The following TEKT3 variants were observed in gnomAD, a reference collection of about 807,000 sequenced individuals.
TEKT3 encodes tektin 3.
In TEKT3, 49 loss-of-function variants were observed where a neutral mutation model predicts 49.8. The ratio of observed to expected loss-of-function variants is 0.98; its 90% CI spans 0.78 to 1.25. The LOEUF (loss-of-function observed/expected upper bound fraction) is 1.25. TEKT3 is among the 50% of genes most tolerant of loss of function. The pLI is 0.00. For missense variants in TEKT3, 595 were observed against 629.5 expected, an observed-to-expected ratio of 0.95 and a Z score of 0.59; for synonymous variants, 225 against 237.2, an observed-to-expected ratio of 0.95 and a Z score of 0.47.
At chr17:15,306,089 A>ATATATATGTG (rs1291765039) in intron 8 of TEKT3, among the ~76,000 whole-genome samples, 23 of 144,410 alleles carry the variant, frequency 1.6e-4, no homozygotes, top group African/African-American at 5.9e-4. Flanking sequence ...ATTTATATAT[A>ATATATATGTG]TGTGTGTGTG....
chr17:15,343,105 C>T (rs928257482), upstream of TEKT3, among the ~76,000 whole-genome samples: 1 of 152,216 alleles, frequency 6.6e-6, no homozygotes, highest in African/African-American at 2.4e-5. Context: ...TGATTGCCCA[C>T]AAACTCTTTA....
chr17:15,320,048 ACAAGTACAGC>A (rs1048144848), intron 4 of TEKT3, among the ~76,000 whole-genome samples: 1 of 152,162 alleles, frequency 6.6e-6, no homozygotes, highest in Non-Finnish European at 1.5e-5. Context: ...CAAGGTTTTG[ACAAGTACAGC>A]CAAATTGCCT....
At chr17:15,307,478 C>T (rs892599949) in intron 8 of TEKT3, among the ~76,000 whole-genome samples, 9 of 152,192 alleles carry the variant, frequency 5.9e-5, no homozygotes, top group African/African-American at 1.7e-4. Context: ...TAGGGCAGTG[C>T]CCAGCATCGA....
intron 4 of TEKT3, among the ~76,000 whole-genome samples, chr17:15,321,686 C>T (rs144028114): frequency 0.015 from 2,327 of 152,288 alleles, 22 homozygotes; most frequent in Non-Finnish European, 0.022. Flanking sequence ...AGATCCCTGA[C>T]TTAGGGAGAA....
chr17:15,327,847 A>G (rs1224842476), intron 4 of TEKT3, 145 bp downstream of exon 4: 8 of 604,966 alleles, frequency 1.3e-5, no homozygotes, highest in Non-Finnish European at 2.3e-5. Flanking sequence ...CAAGAAAAAC[A>G]TGTCTTTGCT....
intron 5 of TEKT3, among the ~76,000 whole-genome samples, chr17:15,315,175 T>A (rs1910946056): frequency 6.6e-6 from 1 of 152,042 alleles, no homozygotes; most frequent in Non-Finnish European, 1.5e-5. Context: ...ATTTGTGTGG[T>A]TCGAAGAACA....
At position 15,334,811 on chromosome 17, in the gene TEKT3, G is replaced by A. The variant is rs74700351; in HGVS notation, c.-29-3197C>T. ...AGGAAGACTGAATAAAAGACATCAC[G>A]TGGGGATGGTTTCACCAAAATATTC... On this transcript the variant is annotated intron_variant, in intron 2 of 8. Coordinates refer to ENST00000395930, the MANE Select transcript of TEKT3 (RefSeq NM_031898.3). Among the ~76,000 whole-genome samples the A allele has an allele frequency of 2.9e-3, 438 of 152,316 alleles. 4 individuals carry two copies. Among genetic ancestry groups the A allele is most frequent in the East Asian group, 0.022 (116 of 5,188 alleles).
At chr17:15,328,755 G>T (rs1911590923) in intron 3 of TEKT3, among the ~76,000 whole-genome samples, 1 of 152,130 alleles carries the variant, frequency 6.6e-6, no homozygotes, top group African/African-American at 2.4e-5. Context: ...TTGAGATAAA[G>T]TATGTTAGTG....
chr17:15,307,396 C>A (rs1391811675), intron 8 of TEKT3, among the ~76,000 whole-genome samples: 1 of 152,230 alleles, frequency 6.6e-6, no homozygotes, highest in Admixed American at 6.5e-5. Flanking sequence ...CTGGGCCAAG[C>A]CACTCACCCA....
chr17:15,320,573 CTTTT>C (rs1319285866), intron 4 of TEKT3, among the ~76,000 whole-genome samples: 2 of 152,130 alleles, frequency 1.3e-5, no homozygotes, highest in African/African-American at 4.8e-5. Flanking sequence ...TATTGTTCTT[CTTTT>C]ATTGTTTAAT....
chr17:15,324,011 A>G (rs1911380391), intron 4 of TEKT3, among the ~76,000 whole-genome samples: 1 of 152,216 alleles, frequency 6.6e-6, no homozygotes, highest in African/African-American at 2.4e-5. Context: ...GCCGAGTTGT[A>G]TAATCATCAC....
chr17:15,322,915 C>T (rs1911327749), intron 4 of TEKT3, among the ~76,000 whole-genome samples: 1 of 152,194 alleles, frequency 6.6e-6, no homozygotes, highest in Non-Finnish European at 1.5e-5. Context: ...AGAGGCATTT[C>T]CTTTCATTAG....
chr17:15,320,492 T>C (rs1911204897), intron 4 of TEKT3, among the ~76,000 whole-genome samples: 1 of 152,216 alleles, frequency 6.6e-6, no homozygotes, highest in African/African-American at 2.4e-5. Flanking sequence ...ATATCTCCTT[T>C]TGGTTTCTGC....
chr17:15,305,099 G>A (rs901614115), intron 8 of TEKT3, among the ~76,000 whole-genome samples: 3 of 152,296 alleles, frequency 2.0e-5, no homozygotes, highest in South Asian at 2.1e-4. Context: ...AACGGAGGAC[G>A]TCTTGGGAGG....
At chr17:15,305,523 A>C (rs2150729962) in intron 8 of TEKT3, among the ~76,000 whole-genome samples, 1 of 152,286 alleles carries the variant, frequency 6.6e-6, no homozygotes, top group Non-Finnish European at 1.5e-5. Flanking sequence ...AGGGTATAAA[A>C]TATCACTAGC....
upstream of TEKT3, among the ~76,000 whole-genome samples, chr17:15,343,188 C>A (rs1912285405): frequency 6.6e-6 from 1 of 152,188 alleles, no homozygotes; most frequent in South Asian, 2.1e-4. Flanking sequence ...AGACAAAATT[C>A]ATTCAATGTC....
chr17:15,343,462 G>A (rs1912294324), upstream of TEKT3, among the ~76,000 whole-genome samples: 1 of 152,044 alleles, frequency 6.6e-6, no homozygotes, highest in Admixed American at 6.5e-5. Context: ...CTCCTACAAT[G>A]CTTATTAAAA....
intron 5 of TEKT3, among the ~76,000 whole-genome samples, chr17:15,314,768 G>C (rs1480865171): frequency 2.0e-5 from 3 of 152,180 alleles, no homozygotes; most frequent in Non-Finnish European, 4.4e-5. Context: ...AAGTTTGCCA[G>C]GAGATAAAAA....
upstream of TEKT3, among the ~76,000 whole-genome samples, chr17:15,343,379 G>T (rs924076507): frequency 1.3e-5 from 2 of 152,158 alleles, no homozygotes; most frequent in African/African-American, 4.8e-5. Flanking sequence ...AAAAAAAATT[G>T]TCTCATGATT....
Sources: allele counts gnomAD v4.1 joint callset (sites outside exome capture counted in the v4.1 genomes callset), GRCh38; gene constraint gnomAD v4.1.1; transcripts MANE v1.5; gene names NCBI Gene and HGNC (gene_info 2026-07-23, HGNC 2026-07-21).